SGCZ: variants seen among roughly 807,000 people sequenced by gnomAD.
SGCZ encodes zeta-sarcoglycan.
A neutral mutation model predicts 41.3 loss-of-function variants in SGCZ; 40 were observed. The ratio of observed to expected loss-of-function variants is 0.97; its 90% CI spans 0.75 to 1.26. SGCZ has a LOEUF of 1.26. Ranked by LOEUF, SGCZ falls within the 50% of genes most tolerant of loss-of-function variation. The probability of loss-of-function intolerance (pLI) is 0.00; values close to 1 mark genes in which losing one functional copy is unlikely to be tolerated. For missense variants in SGCZ, 552 were observed against 369.8 expected (o/e 1.49, Z -4.04); for synonymous variants, 206 against 137.5 (o/e 1.50, Z -3.49).
At chr8:15,051,355 G>A (rs1345538510) in intron 1 of SGCZ, among the ~76,000 whole-genome samples, 1 of 152,160 alleles carries the variant, frequency 6.6e-6, no homozygotes, top group Admixed American at 6.5e-5. Flanking sequence ...TCTGTAGTTT[G>A]TTCCCTTAAA....
chr8:15,136,233 T>C (rs960773438), intron 1 of SGCZ, among the ~76,000 whole-genome samples: 1 of 152,148 alleles, frequency 6.6e-6, no homozygotes, highest in Non-Finnish European at 1.5e-5. Flanking sequence ...TCATTTTGTA[T>C]GCACCATGAT....
chr8:14,189,187 T>A (rs1805011423), intron 4 of SGCZ, among the ~76,000 whole-genome samples: 1 of 152,078 alleles, frequency 6.6e-6, no homozygotes, highest in African/African-American at 2.4e-5. Flanking sequence ...TCAAAACCAC[T>A]ATCATCTATA....
chr8:14,910,726 T>C (rs138445503), intron 1 of SGCZ, among the ~76,000 whole-genome samples: 1 of 152,076 alleles, frequency 6.6e-6, no homozygotes, highest in Admixed American at 6.5e-5. Flanking sequence ...CAAATTTATA[T>C]ATTTTTATTA....
chr8:14,373,281 G>A (rs1048140436), intron 2 of SGCZ, among the ~76,000 whole-genome samples: 2 of 152,250 alleles, frequency 1.3e-5, no homozygotes, highest in South Asian at 2.1e-4. Context: ...CTGGAACATC[G>A]ATGCATAATT....
At chr8:14,443,532 A>G (rs1800338068) in intron 2 of SGCZ, among the ~76,000 whole-genome samples, 1 of 152,172 alleles carries the variant, frequency 6.6e-6, no homozygotes, top group South Asian at 2.1e-4. Flanking sequence ...CTGATCTTTG[A>G]CAAACCTGAG....
intron 1 of SGCZ, among the ~76,000 whole-genome samples, chr8:14,661,972 T>G (rs1278353846): frequency 1.3e-5 from 2 of 152,178 alleles, no homozygotes; most frequent in Admixed American, 1.3e-4. Context: ...AGCTTATTAT[T>G]CATTTACTGA....
chr8:14,253,866 G>A (rs1182363849), intron 3 of SGCZ, among the ~76,000 whole-genome samples: 1 of 152,072 alleles, frequency 6.6e-6, no homozygotes, highest in African/African-American at 2.4e-5. Flanking sequence ...CCTTCTCCTA[G>A]TGGAGAAATA....
At chr8:14,357,944 T>G (rs886989856) in intron 2 of SGCZ, among the ~76,000 whole-genome samples, 1 of 152,176 alleles carries the variant, frequency 6.6e-6, no homozygotes, top group African/African-American at 2.4e-5. Context: ...CAAACTTTCT[T>G]GAGCACAGAA....
intron 1 of SGCZ, among the ~76,000 whole-genome samples, chr8:14,932,187 T>G (rs889102581): frequency 6.6e-6 from 1 of 152,080 alleles, no homozygotes; most frequent in African/African-American, 2.4e-5. Flanking sequence ...AAATCATTCC[T>G]GCCCCTAATA....
chr8:14,912,036 G>C (rs17120585), intron 1 of SGCZ, among the ~76,000 whole-genome samples: 8,735 of 151,936 alleles, frequency 0.057, 308 homozygotes, highest in Admixed American at 0.08. Context: ...TAGCTGCACT[G>C]ACGCTATGTA....
At chr8:14,611,268 T>C (rs998325492) in intron 1 of SGCZ, among the ~76,000 whole-genome samples, 1 of 152,190 alleles carries the variant, frequency 6.6e-6, no homozygotes, top group African/African-American at 2.4e-5. Flanking sequence ...CCTATCATTT[T>C]TATTCCCTTT....
At chr8:14,493,244 A>G (rs1029947116) in intron 2 of SGCZ, among the ~76,000 whole-genome samples, 1 of 151,810 alleles carries the variant, frequency 6.6e-6, no homozygotes, top group Non-Finnish European at 1.5e-5. Context: ...CTCTGATGAC[A>G]TGAACCTCCT....
intron 2 of SGCZ, among the ~76,000 whole-genome samples, chr8:14,450,040 A>G (rs1165966821): frequency 6.6e-6 from 1 of 152,242 alleles, no homozygotes; most frequent in Admixed American, 6.5e-5. Flanking sequence ...AGAGAAAAAA[A>G]CTGTGAAAGT....
intron 1 of SGCZ, among the ~76,000 whole-genome samples, chr8:15,166,725 A>G (rs2086953495): frequency 6.6e-6 from 1 of 152,226 alleles, no homozygotes; most frequent in East Asian, 1.9e-4. Context: ...TTGTGTTTCT[A>G]ACTGCAACTA....
chr8:14,715,672 T>C (rs538871366), intron 1 of SGCZ, among the ~76,000 whole-genome samples: 1 of 152,240 alleles, frequency 6.6e-6, no homozygotes, highest in Middle Eastern at 3.4e-3. Flanking sequence ...TACTACACTT[T>C]AATAACTTAA....
intron 4 of SGCZ, among the ~76,000 whole-genome samples, chr8:14,201,970 C>G (rs1035916445): frequency 6.6e-6 from 1 of 152,018 alleles, no homozygotes; most frequent in African/African-American, 2.4e-5. Flanking sequence ...TTTAATGAAC[C>G]AAACCATAAT....
intron 4 of SGCZ, among the ~76,000 whole-genome samples, chr8:14,198,112 T>A (rs1024248992): frequency 3.9e-5 from 6 of 152,198 alleles, no homozygotes; most frequent in African/African-American, 1.4e-4. Flanking sequence ...AAAGAAACAA[T>A]TCATAAGTTT....
intron 1 of SGCZ, among the ~76,000 whole-genome samples, chr8:14,589,578 T>C (rs1375239504): frequency 6.6e-6 from 1 of 152,132 alleles, no homozygotes; most frequent in Non-Finnish European, 1.5e-5. Flanking sequence ...CTCTTTAAAC[T>C]TTAGATGTCT....
At chr8:14,097,126 T>A (rs917650079) in intron 7 of SGCZ, among the ~76,000 whole-genome samples, 1 of 152,126 alleles carries the variant, frequency 6.6e-6, no homozygotes, top group Non-Finnish European at 1.5e-5. Flanking sequence ...TCATTTCTTG[T>A]CTTCTGCTAG....
Sources: gnomAD v4.1 joint callset for allele counts (sites outside exome capture counted in the v4.1 genomes callset) on GRCh38, gnomAD v4.1.1 for gene constraint, MANE v1.5 for transcripts, NCBI Gene and HGNC (gene_info 2026-07-23, HGNC 2026-07-21) for gene names.